Variants in MACROD2 observed in about 807,000 individuals in gnomAD.
MACROD2 encodes mono-ADP ribosylhydrolase 2.
A neutral mutation model predicts 70.4 loss-of-function variants in MACROD2; 36 were observed. That is an observed-to-expected ratio of 0.51 (90% CI 0.39 to 0.68). MACROD2 has a LOEUF of 0.68. Ranked by LOEUF, MACROD2 falls within the 30% of genes least tolerant of loss-of-function variation. The probability of loss-of-function intolerance (pLI) is 0.00; values close to 1 mark genes in which losing one functional copy is unlikely to be tolerated. For missense variants in MACROD2, 496 were observed against 538.4 expected (o/e 0.92, Z 0.78); for synonymous variants, 172 against 178.8 (o/e 0.96, Z 0.30).
At chr20:15,571,314 A>G (rs2048373640) in intron 8 of MACROD2, among the ~76,000 whole-genome samples, 1 of 151,994 alleles carries the variant, frequency 6.6e-6, no homozygotes, top group African/African-American at 2.4e-5. Context: ...AGAAATGATT[A>G]TTTTCCAAAT....
At chr20:15,177,782 A>C (rs1187680649) in intron 5 of MACROD2, among the ~76,000 whole-genome samples, 1 of 152,194 alleles carries the variant, frequency 6.6e-6, no homozygotes, top group Non-Finnish European at 1.5e-5. Flanking sequence ...ACTTCAGCTC[A>C]GTTACTTTTG....
chr20:14,685,004 A>G, intron 5 of MACROD2, 45 bp downstream of exon 5: 1 of 1,461,016 alleles, frequency 6.8e-7, no homozygotes, highest in East Asian at 2.3e-5. Context: ...GAGACATCTT[A>G]ACTTGTTTTA....
chr20:15,588,128 A>G (rs1001227125), intron 8 of MACROD2, among the ~76,000 whole-genome samples: 8 of 152,188 alleles, frequency 5.3e-5, no homozygotes, highest in African/African-American at 1.9e-4. Context: ...CCAAACCTCA[A>G]TTCTTGACTT....
chr20:14,585,190 G>A lies in MACROD2; in HGVS notation c.301+91682G>A, dbSNP rs144048820. On this transcript the variant is annotated intron_variant, in intron 4 of 17. Coordinates refer to ENST00000684519, the MANE Select transcript of MACROD2 (RefSeq NM_001351661.2). The stretch of plus-strand genomic sequence containing the variant: ...CTTTAGCCAGAATTTTTACATAGGC[G>A]GAACAGCGTAATTGGAAGGGGATCT... Among the ~76,000 whole-genome samples, 6 of 152,268 alleles carry A rather than the reference G, an allele frequency of 3.9e-5. No homozygotes were observed. In the South Asian group the frequency reaches 1.0e-3, roughly 26 times the overall value.
At chr20:14,980,111 A>G (rs1049389264) in intron 5 of MACROD2, among the ~76,000 whole-genome samples, 2 of 152,264 alleles carry the variant, frequency 1.3e-5, no homozygotes, top group South Asian at 4.1e-4. Flanking sequence ...TGTCATTTGA[A>G]TATTTGTCCT....
rs562995539 is a variant in MACROD2 at position 15,722,715 on chromosome 20, G to A, written c.646-140030G>A. Among the ~76,000 whole-genome samples the A allele has an allele frequency of 4.0e-5, 6 of 151,882 alleles. No individual in the cohort carries two copies. In the South Asian group the frequency reaches 1.2e-3, roughly 31 times the overall value. ...CTCTTTGCATGATATCTTTGATAAA[G>A]TGAATTTTATAATTTTAATAAAATT... is the stretch of plus-strand genomic sequence containing the variant. On this transcript the variant is annotated intron_variant, in intron 8 of 17. Coordinates refer to ENST00000684519, the MANE Select transcript of MACROD2 (RefSeq NM_001351661.2).
intron 3 of MACROD2, among the ~76,000 whole-genome samples, chr20:14,410,818 A>G (rs761803040): frequency 3.3e-5 from 5 of 152,098 alleles, no homozygotes; most frequent in Admixed American, 6.6e-5. Flanking sequence ...TTTTCTATCA[A>G]TGCTCTCTGG....
At chr20:15,682,335 T>C (rs2050171229) in intron 8 of MACROD2, among the ~76,000 whole-genome samples, 1 of 152,174 alleles carries the variant, frequency 6.6e-6, no homozygotes, top group African/African-American at 2.4e-5. Flanking sequence ...AAAATCAGAC[T>C]CCACTTAAAT....
intron 7 of MACROD2, among the ~76,000 whole-genome samples, chr20:15,482,071 T>C (rs1438047372): frequency 1.3e-5 from 2 of 152,234 alleles, no homozygotes; most frequent in African/African-American, 4.8e-5. Flanking sequence ...TTTCCTCCTT[T>C]ACTTCAGGCC....
At chr20:14,008,960 A>G (rs1352041161) in intron 2 of MACROD2, among the ~76,000 whole-genome samples, 1 of 152,210 alleles carries the variant, frequency 6.6e-6, no homozygotes, top group African/African-American at 2.4e-5. Context: ...CACCTTATAC[A>G]CAGATTAACT....
intron 3 of MACROD2, among the ~76,000 whole-genome samples, chr20:14,123,767 G>A (rs1026480346): frequency 1.3e-5 from 2 of 152,104 alleles, no homozygotes; most frequent in Non-Finnish European, 2.9e-5. Context: ...GGGAAGGAAG[G>A]GAGGAATCAA....
At chr20:14,022,206 C>A (rs180767746) in intron 2 of MACROD2, among the ~76,000 whole-genome samples, 3 of 152,146 alleles carry the variant, frequency 2.0e-5, no homozygotes, top group Admixed American at 2.0e-4. Context: ...ATTTTATATT[C>A]CATTGAGGAG....
chr20:15,471,457 A>AT lies in MACROD2; in HGVS notation c.572-28310dup, dbSNP rs377203517. 2.6e-5 allele frequency among the ~76,000 whole-genome samples: 4 copies of AT among 152,058 alleles called. No individual in the cohort carries two copies. In the East Asian group the frequency reaches 5.8e-4, roughly 22 times the overall value. On this transcript the variant is annotated intron_variant, in intron 7 of 17. Transcript: ENST00000684519. The stretch of plus-strand genomic sequence containing the variant: ...ACCTGGTGTAGGTAGTGTTATTCTC[A>AT]TTTTTTTCATATGATAACTCTGGGA...
intron 9 of MACROD2, among the ~76,000 whole-genome samples, chr20:15,881,621 G>A (rs2064755528): frequency 6.6e-6 from 1 of 152,216 alleles, no homozygotes; most frequent in East Asian, 1.9e-4. Flanking sequence ...CTAGAACAAT[G>A]GCTGGTTATT....
chr20:14,457,182 G>A (rs1330630193), intron 3 of MACROD2, among the ~76,000 whole-genome samples: 1 of 152,090 alleles, frequency 6.6e-6, no homozygotes, highest in African/African-American at 2.4e-5. Context: ...GGGTAGTGTT[G>A]TGAATGGTTG....
At chr20:14,969,757 T>C (rs978998560) in intron 5 of MACROD2, among the ~76,000 whole-genome samples, 2 of 152,166 alleles carry the variant, frequency 1.3e-5, no homozygotes, top group African/African-American at 2.4e-5. Flanking sequence ...TTATATTAGA[T>C]TCAGCTGGAT....
At chr20:15,294,331 T>C (rs536214584) in intron 6 of MACROD2, among the ~76,000 whole-genome samples, 1 of 152,254 alleles carries the variant, frequency 6.6e-6, no homozygotes, top group South Asian at 2.1e-4. Context: ...ACCATCTTTA[T>C]TGTTTGCCTG....
intron 8 of MACROD2, among the ~76,000 whole-genome samples, chr20:15,774,349 G>A (rs551585130): frequency 2.0e-5 from 3 of 152,220 alleles, no homozygotes; most frequent in South Asian, 2.1e-4. Flanking sequence ...TAGGCCTCCA[G>A]AACTCACTTT....
In MACROD2 at chr20:14,083,784, A is replaced by C. The variant is rs546162491; in HGVS notation, c.164-1837A>C. ...TACAACCAGTGAGTATTTTGATAGAATACTTCTGGGAGAGGCCCAGGCGCG... is the reference window on the plus strand; with the variant it reads ...TACAACCAGTGAGTATTTTGATAGACTACTTCTGGGAGAGGCCCAGGCGCG... On this transcript the variant is annotated intron_variant, in intron 2 of 17. Transcript: ENST00000684519. 2.6e-5 allele frequency among the ~76,000 whole-genome samples: 4 copies of C among 151,914 alleles called. No individual in the cohort carries two copies. The South Asian group carries it at 8.3e-4, about 32-fold the overall frequency.
Sources: allele counts gnomAD v4.1 joint callset (sites outside exome capture counted in the v4.1 genomes callset), GRCh38; gene constraint gnomAD v4.1.1; transcripts MANE v1.5; gene names NCBI Gene and HGNC (gene_info 2026-07-23, HGNC 2026-07-21).